The following FAM184A variants were observed in gnomAD, a reference collection of about 807,000 sequenced individuals.
FAM184A encodes the protein family with sequence similarity 184 member A, also known as protein FAM184A.
A neutral mutation model predicts 143.8 loss-of-function variants in FAM184A; 99 were observed. The ratio of observed to expected loss-of-function variants is 0.69; its 90% CI spans 0.58 to 0.81. The LOEUF is 0.81. Ranked by LOEUF, FAM184A falls within the 40% of genes least tolerant of loss-of-function variation. The pLI is 0.00. For synonymous variants in FAM184A, 427 were observed against 446.4 expected, an observed-to-expected ratio of 0.96 and a Z score of 0.55; for missense variants, 1,217 against 1,310.5, an observed-to-expected ratio of 0.93 and a Z score of 1.10.
intron 5 of FAM184A, among the ~76,000 whole-genome samples, chr6:119,013,926 T>C (rs1338248210): frequency 3.3e-5 from 5 of 152,298 alleles, no homozygotes; most frequent in Admixed American, 2.6e-4. Context: ...CTCCAAGTCG[T>C]AAGTATTAAG....
chr6:119,094,142 G>A (rs1788445833), intron 1 of FAM184A, among the ~76,000 whole-genome samples: 1 of 150,864 alleles, frequency 6.6e-6, no homozygotes, highest in Non-Finnish European at 1.5e-5. Flanking sequence ...CACAATCATA[G>A]CTCACTGCAG....
At chr6:119,086,530 G>A (rs1236004872) in intron 1 of FAM184A, among the ~76,000 whole-genome samples, 1 of 152,174 alleles carries the variant, frequency 6.6e-6, no homozygotes, top group Non-Finnish European at 1.5e-5. Context: ...TCTAAGGACG[G>A]TAAGGGCAAA....
rs982645755 is a variant in FAM184A, at chr6:119,022,839, T to C, written c.1150+106A>G. ...TTGCAATGAGCCGAGATTGAGCCAC[T>C]GCACTCCCGTCTGGGCGACAGAGCA... On this transcript the variant is annotated intron_variant, in intron 3 of 17. Transcript: ENST00000338891. The C allele has an allele frequency of 8.0e-6, 11 of 1,369,050 alleles. 1 individual carries two copies. The African/African-American group carries it at 1.0e-4, about 13-fold the overall frequency. 84.8% of individuals were successfully genotyped at this position (1,369,050 alleles called of 1,614,324 possible). A position where few individuals can be genotyped will look rare whatever the true frequency, so the allele number is the denominator to read the frequency against.
chr6:119,145,928 T>A (rs1198615704), intron 1 of FAM184A, among the ~76,000 whole-genome samples: 2 of 152,202 alleles, frequency 1.3e-5, no homozygotes, highest in Non-Finnish European at 1.5e-5. Context: ...TATTTGCACA[T>A]GATTTTACAG....
intron 4 of FAM184A, 150 bp from the exon 5 acceptor site, chr6:119,017,094 C>A: frequency 1.6e-6 from 1 of 614,636 alleles, no homozygotes; most frequent in South Asian, 2.2e-5. Context: ...CATTAGTGTT[C>A]TCAGAAAGTG....
chr6:118,984,167 A>G (rs978269707), intron 9 of FAM184A, among the ~76,000 whole-genome samples: 1 of 141,822 alleles, frequency 7.1e-6, no homozygotes, highest in South Asian at 2.1e-4. Context: ...AAATATATAT[A>G]TATATATATA....
At chr6:119,034,779 A>C (rs1786048011) in intron 1 of FAM184A, among the ~76,000 whole-genome samples, 1 of 152,164 alleles carries the variant, frequency 6.6e-6, no homozygotes, top group Admixed American at 6.5e-5. Context: ...TATCTAATAC[A>C]TTATCAGGGC....
chr6:118,990,459 C>G (rs772585077), intron 9 of FAM184A, among the ~76,000 whole-genome samples: 1 of 152,150 alleles, frequency 6.6e-6, no homozygotes, highest in East Asian at 1.9e-4. Flanking sequence ...AAGCTGTGAC[C>G]TCAAGTGAGC....
chr6:119,052,610 G>A (rs1325773269), intron 1 of FAM184A, among the ~76,000 whole-genome samples: 1 of 152,132 alleles, frequency 6.6e-6, no homozygotes, highest in Non-Finnish European at 1.5e-5. Context: ...CACATGTACA[G>A]GAGGAAAAAA....
chr6:119,106,898 A>G (rs535048002), intron 1 of FAM184A, among the ~76,000 whole-genome samples: 5 of 152,178 alleles, frequency 3.3e-5, no homozygotes, highest in Non-Finnish European at 7.3e-5. Context: ...AGGTTCTGGA[A>G]GAAGACAGAG....
intron 1 of FAM184A, among the ~76,000 whole-genome samples, chr6:119,077,931 C>A (rs967296499): frequency 4.6e-5 from 7 of 152,286 alleles, no homozygotes; most frequent in Admixed American, 2.6e-4. Flanking sequence ...CCCTTACGCG[C>A]ACCGTGCCGC....
intron 1 of FAM184A, among the ~76,000 whole-genome samples, chr6:119,134,845 G>C (rs939692246): frequency 3.3e-5 from 5 of 152,082 alleles, no homozygotes; most frequent in African/African-American, 1.2e-4. Flanking sequence ...ATTAAATCAT[G>C]TTGGCTCTCC....
intron 1 of FAM184A, among the ~76,000 whole-genome samples, chr6:119,102,124 CTGAA>C (rs1048031341): frequency 3.9e-5 from 6 of 151,976 alleles, no homozygotes; most frequent in African/African-American, 1.4e-4. Flanking sequence ...TAGGAAGAAA[CTGAA>C]TAATATTCTA....
chr6:118,970,008 A>ATATATATATATTTTTTTTTTTTTTTTT, intron 14 of FAM184A, among the ~76,000 whole-genome samples: 1 of 19,044 alleles, frequency 5.3e-5, no homozygotes, highest in Non-Finnish European at 1.1e-4. Context: ...ATATATATAT[A>ATATATATATATTTTTTTTTTTTTTTTT]TTTTTTTTTT....
intron 1 of FAM184A, among the ~76,000 whole-genome samples, chr6:119,059,756 A>C (rs1787151503): frequency 6.6e-6 from 1 of 152,260 alleles, no homozygotes; most frequent in African/African-American, 2.4e-5. Flanking sequence ...CACTTATTAT[A>C]AACAAAGTAT....
intron 1 of FAM184A, among the ~76,000 whole-genome samples, chr6:119,112,851 G>T (rs552023783): frequency 2.0e-5 from 3 of 152,332 alleles, no homozygotes; most frequent in Middle Eastern, 6.8e-3. Context: ...GGAATCCAAG[G>T]CATCTTTGGA....
rs531486883 is a variant in FAM184A at position 119,051,585 on chromosome 6, T to C, written c.159+26556A>G. On this transcript the variant is annotated intron_variant, in intron 1 of 17. Coordinates refer to ENST00000338891, the MANE Select transcript of FAM184A (RefSeq NM_024581.6). The stretch of plus-strand genomic sequence containing the variant: ...TGAGAGAATAGATACTCCATTTTCA[T>C]TGACATGCTTATTTCATATTGCATC... Among the ~76,000 whole-genome samples, 21 of 152,346 alleles carry C rather than the reference T, an allele frequency of 1.4e-4. No homozygotes were observed. The South Asian group carries it at 4.1e-3, about 30-fold the overall frequency.
In FAM184A at chr6:119,006,523, T is replaced by C; in HGVS notation, c.1739A>G (p.Gln580Arg). Residue 580 changes from glutamine to arginine, a missense_variant, in exon 7 of 18, where the codon CAG (glutamine) becomes CGG (arginine). Transcript: ENST00000338891. ...GTCAAGCTCATTCTGAAGCCTTTCC[T>C]GGGAGTCCTGAAGACTAGCAATAAG... ...EGLIASLQDS[Q>R]ERLQNELDLT... 1 of 1,614,084 alleles carries C rather than the reference T, an allele frequency of 6.2e-7. No individual in the cohort carries two copies. The highest frequency in any genetic ancestry group is 8.5e-7 in the Non-Finnish European group (1 of 1,179,958).
chr6:119,041,620 T>C (rs1265546065), intron 1 of FAM184A, among the ~76,000 whole-genome samples: 1 of 152,102 alleles, frequency 6.6e-6, no homozygotes, highest in East Asian at 1.9e-4. Context: ...ACTCTTCTGG[T>C]CCGTGTTTGT....
Sources: gnomAD v4.1 joint callset for allele counts (sites outside exome capture counted in the v4.1 genomes callset) on GRCh38, gnomAD v4.1.1 for gene constraint, MANE v1.5 for transcripts, NCBI Gene and HGNC (gene_info 2026-07-23, HGNC 2026-07-21) for gene names.